Variants in ITPR3 observed in about 807,000 individuals in gnomAD.
ITPR3 encodes inositol 1,4,5-trisphosphate-gated calcium channel ITPR3.
ITPR3 carries 173 observed loss-of-function variants against 293.2 expected under a neutral mutation model. That is an observed-to-expected ratio of 0.59 (90% CI 0.52 to 0.67). The LOEUF (loss-of-function observed/expected upper bound fraction) is 0.67. Among genes scored for constraint, ITPR3 ranks in the 30% least tolerant of loss-of-function variants. The pLI, the probability that ITPR3 is intolerant of heterozygous loss-of-function variation, is 0.00. For synonymous variants in ITPR3, 1,295 were observed against 1,444.4 expected (o/e 0.90, Z 2.35); for missense variants, 2,796 against 3,592.1 (o/e 0.78, Z 5.66).
rs1392864574 is a variant in ITPR3, at chr6:33,695,754, G to A, written c.7990G>A (p.Asp2664Asn). 5 of 1,614,176 alleles carry A rather than the reference G, an allele frequency of 3.1e-6. No individual in the cohort carries two copies. Among genetic ancestry groups the A allele is most frequent in the Non-Finnish European group, 4.2e-6 (5 of 1,180,036 alleles). The part of the protein sequence containing the change: ...RKRRQRLGFV[D>N]VQNCISR ...ACGCAGGCAACGCCTAGGCTTTGTG[G>A]ATGTCCAGAACTGCATTAGCCGCTG... Residue 2664 changes from aspartate (D) to asparagine (N), a missense_variant, in exon 58 of 58, where the codon GAT becomes AAT. Transcript: ENST00000605930.
At chr6:33,685,233 C>T in intron 39 of ITPR3, 126 bp from the exon 40 acceptor site, 1 of 965,390 alleles carries the variant, frequency 1.0e-6, no homozygotes, top group Non-Finnish European at 1.6e-6. Flanking sequence ...TAGCCACCAG[C>T]ACCCAGGCCT....
At chr6:33,647,349 G>T (rs1764092131) in intron 2 of ITPR3, among the ~76,000 whole-genome samples, 1 of 152,224 alleles carries the variant, frequency 6.6e-6, no homozygotes, top group East Asian at 1.9e-4. Flanking sequence ...TTTAATTGTG[G>T]TAAGATTCAC....
At position 33,684,848 on chromosome 6, in the gene ITPR3, T is replaced by C. The variant is rs770955325; in HGVS notation, c.5212T>C (p.Cys1738Arg). The C allele has an allele frequency of 6.2e-7, 1 of 1,614,078 alleles. No homozygotes were observed. Residue 1738 changes from cysteine (C) to arginine (R), a missense_variant, in exon 39 of 58, where the codon TGC becomes CGC. Cys to Arg is a radical substitution (Grantham distance 180). Around this residue, in one of 8 missense-constraint regions of ITPR3, gnomAD observed 704 missense variants for 797.5 expected, o/e 0.88. Coordinates refer to ENST00000605930, the MANE Select transcript of ITPR3 (RefSeq NM_002224.4). The surrounding 1 kb of genome is among the most constrained non-coding windows in gnomAD (Gnocchi z 4.2). ...CAAGGAGGGGGCCACCAAGTTGGTA[T>C]GCGACCTCATCACCAGCACCAAGAA... is the stretch of plus-strand genomic sequence containing the variant. ...LDKEGATKLV[C>R]DLITSTKNEK...
intron 3 of ITPR3, 114 bp from the exon 4 acceptor site, chr6:33,657,818 T>A: frequency 1.4e-6 from 1 of 712,284 alleles, no homozygotes; most frequent in Non-Finnish European, 2.3e-6. Context: ...AGGGTGACTG[T>A]GTGTGTGTGT....
At chr6:33,659,412 G>T in intron 6 of ITPR3, 54 bp from the exon 7 acceptor site, 1 of 1,490,666 alleles carries the variant, frequency 6.7e-7, no homozygotes, top group Non-Finnish European at 9.3e-7. Flanking sequence ...CCTGCTCTGG[G>T]CCCTCAGTGG....
rs766919379 is a variant in ITPR3 at position 33,680,358 on chromosome 6, C to T, written c.4254C>T (p.Asn1418=). ...AAATGGCCTATGTGAACTTCGTGAA[C>T]CACTGCTACGTGGACACGGAGGTGG... ...EVKMAYVNFV[N]HCYVDTEVEM... is the part of the protein sequence containing the mutation. Residue 1418 remains asparagine, a synonymous_variant, in exon 32 of 58, where the codon AAC becomes AAT. Transcript: ENST00000605930. 19 of 1,613,710 alleles carry T rather than the reference C, an allele frequency of 1.2e-5. No individual in the cohort carries two copies. Among genetic ancestry groups the T allele is most frequent in the Non-Finnish European group, 1.4e-5 (17 of 1,180,028 alleles).
chr6:33,621,554 A>C lies in ITPR3; in HGVS notation c.-49A>C. On this transcript the variant is annotated 5_prime_UTR_variant, in exon 1 of 58. Coordinates refer to ENST00000605930, the MANE Select transcript of ITPR3 (RefSeq NM_002224.4). This position sits in a 1 kb window ranked among gnomAD's most constrained non-coding sequence, Gnocchi z 7.7. ...TCAGTCCTCCGCACTGAGCTTGGCCACGCGCCCCTAGGCGCCCCCCACGCC... is the reference window on the plus strand; with the variant it reads ...TCAGTCCTCCGCACTGAGCTTGGCCCCGCGCCCCTAGGCGCCCCCCACGCC... 7.0e-7 allele frequency: 1 copy of C among 1,435,288 alleles called. No individual in the cohort carries two copies. The highest frequency in any genetic ancestry group is 9.6e-7 in the Non-Finnish European group (1 of 1,039,526). 88.9% of individuals were successfully genotyped at this position (1,435,288 alleles called of 1,614,324 possible).
chr6:33,680,757 A>G, intron 33 of ITPR3, 77 bp downstream of exon 33: 3 of 1,498,426 alleles, frequency 2.0e-6, no homozygotes, highest in Admixed American at 1.9e-5. Context: ...ATAAGAATAC[A>G]TATTTATATT....
intron 2 of ITPR3, among the ~76,000 whole-genome samples, chr6:33,652,146 G>T (rs554626612): frequency 6.3e-4 from 96 of 152,224 alleles, no homozygotes; most frequent in African/African-American, 2.0e-3. Context: ...CCCTGCCCCT[G>T]CCAGGAGGAA....
Position 33,676,788 on chromosome 6 carries a change from G to T in ITPR3, c.3303G>T (p.Ala1101=). The T allele has an allele frequency of 7.4e-6, 12 of 1,614,200 alleles. No individual in the cohort carries two copies. Among genetic ancestry groups the T allele is most frequent in the Non-Finnish European group, 1.0e-5 (12 of 1,180,014 alleles). ...TTCAGGTTCAGCTGCTGATCTCAGC[G>T]CAGGACGTGGAGAACTACAAGGTGA... is the stretch of plus-strand genomic sequence containing the variant. ...TFKQVQLLIS[A]QDVENYKVIK... The change falls in exon 26 of 58, where the codon GCG becomes GCT. Residue 1101 remains alanine, a synonymous_variant. Transcript: ENST00000605930.
In ITPR3 at chr6:33,687,910, T is replaced by C. The variant is rs1463376414; in HGVS notation, c.6265-147T>C. On this transcript the variant is annotated intron_variant, in intron 46 of 57. Coordinates refer to ENST00000605930, the MANE Select transcript of ITPR3 (RefSeq NM_002224.4). The surrounding 1 kb of genome is among the most constrained non-coding windows in gnomAD (Gnocchi z 5.3). ...CCAGGTTCTCAAGGCTCAGTCCTAG[T>C]TGGGCTGGGCTTGGCCTGCTCTGGC... 2.3e-5 allele frequency: 15 copies of C among 658,328 alleles called. No individual in the cohort carries two copies. Among genetic ancestry groups the C allele is most frequent in the African/African-American group, 9.1e-5 (5 of 54,850 alleles). The allele number at this position is 658,328 out of a possible 1,614,324, so 40.8% of individuals were successfully genotyped here. A position where few individuals can be genotyped will look rare whatever the true frequency, so the allele number is the denominator to read the frequency against.
chr6:33,662,387 TC>T (rs55823000), intron 7 of ITPR3, 140 bp from the exon 8 acceptor site: 268,808 of 961,122 alleles, frequency 0.28, 40,531 homozygotes, highest in East Asian at 0.44. Context: ...TCAGCTTGCA[TC>T]CCCCTCTCTG....
intron 55 of ITPR3, 129 bp from the exon 56 acceptor site, chr6:33,693,416 C>A (rs1002369789): frequency 1.2e-6 from 1 of 854,428 alleles, no homozygotes; most frequent in Non-Finnish European, 1.9e-6. Context: ...TAGCCCAGAG[C>A]GAGCTGTTGG....
At chr6:33,674,829 T>C (rs934350504) in intron 24 of ITPR3, among the ~76,000 whole-genome samples, 1 of 152,250 alleles carries the variant, frequency 6.6e-6, no homozygotes, top group African/African-American at 2.4e-5. Flanking sequence ...TGTGCCTCTT[T>C]ACTAATACGT....
chr6:33,668,996 G>T lies in ITPR3; in HGVS notation c.2029G>T (p.Ala677Ser), dbSNP rs778786829. The T allele has an allele frequency of 8.7e-6, 14 of 1,613,894 alleles. No individual in the cohort carries two copies. The South Asian group carries it at 1.5e-4, about 18-fold the overall frequency. Residue 677 changes from alanine to serine, a missense_variant, in exon 18 of 58, where the codon GCC (alanine) becomes TCC (serine). Ala to Ser is a moderately conservative substitution (Grantham distance 99). This residue lies in a region of ITPR3 where 955 missense variants were observed against 1,180.8 expected (regional missense o/e 0.81). Coordinates refer to ENST00000605930, the MANE Select transcript of ITPR3 (RefSeq NM_002224.4). ...CAGGCTTCGGCCCGTGAAGGAGATG[G>T]CCCAATCCCACGAGTACCTGAGCAT... ...RTELRPVKEM[A>S]QSHEYLSIEY...
intron 43 of ITPR3, 113 bp downstream of exon 43, chr6:33,686,632 T>C: frequency 1.2e-6 from 1 of 818,140 alleles, no homozygotes; most frequent in Non-Finnish European, 2.1e-6. Context: ...GTGTTAGCAT[T>C]GTGTGATGGG....
Position 33,672,737 on chromosome 6 carries a change from AGTAAAAGCGGGGAG to A in ITPR3, c.2928+522_2928+535del, listed in dbSNP as rs934344236. ...ATTCTCCCATTTTACAGATGGGGAAAGTAAAAGCGGGGAGGTAAAAGCGGGGGCCGGGGGGTGCT... is the reference window on the plus strand; with the variant it reads ...ATTCTCCCATTTTACAGATGGGGAAAGTAAAAGCGGGGGCCGGGGGGTGCT... On this transcript the variant is annotated intron_variant, in intron 22 of 57. Transcript: ENST00000605930. The surrounding 1 kb of genome is among the most constrained non-coding windows in gnomAD (Gnocchi z 5.0). Among the ~76,000 whole-genome samples the A allele has an allele frequency of 8.5e-5, 13 of 152,110 alleles. No homozygotes were observed. Among genetic ancestry groups the A allele is most frequent in the African/African-American group, 2.7e-4 (11 of 41,398 alleles).
At position 33,670,057 on chromosome 6, in the gene ITPR3, T is replaced by C. The variant is rs1249383652; in HGVS notation, c.2190-268T>C. On this transcript the variant is annotated intron_variant, in intron 18 of 57. Transcript: ENST00000605930. The surrounding 1 kb of genome is among the most constrained non-coding windows in gnomAD (Gnocchi z 6.7). ...CTCTTCTCATCTCACTGCCCTCCCC[T>C]GTCTCCCACCCTTTCCCTCATCTTT... 6.8e-6 allele frequency among the ~76,000 whole-genome samples: 1 copy of C among 147,006 alleles called. No homozygotes were observed. The highest frequency in any genetic ancestry group is 1.5e-5 in the Non-Finnish European group (1 of 66,660).
chr6:33,671,269 G>A lies in ITPR3; in HGVS notation c.2691G>A (p.Gly897=). The change falls in exon 21 of 58, where the codon GGG becomes GGA. Residue 897 remains glycine, a synonymous_variant. Coordinates refer to ENST00000605930, the MANE Select transcript of ITPR3 (RefSeq NM_002224.4). ...TLLGIIDCVQ[G]PPAMLQAYED... ...TGGGCATCATCGACTGTGTGCAGGG[G>A]CCCCCGGCCATGCTGCAGGCCTATG... 1 of 1,613,534 alleles carries A rather than the reference G, an allele frequency of 6.2e-7. No individual in the cohort carries two copies. The highest frequency in any genetic ancestry group is 8.5e-7 in the Non-Finnish European group (1 of 1,179,960).
Sources: gnomAD v4.1 joint callset for allele counts (sites outside exome capture counted in the v4.1 genomes callset) on GRCh38, gnomAD v4.1.1 for gene constraint, gnomAD v4.1.1 regional missense constraint, Gnocchi (gnomAD v3.1) non-coding constraint, MANE v1.5 for transcripts, NCBI Gene and HGNC (gene_info 2026-07-23, HGNC 2026-07-21) for gene names.